The following CDH13 variants were observed in gnomAD, a reference collection of about 807,000 sequenced individuals.
CDH13 encodes the protein cadherin 13.
Under a neutral mutation model 63.8 loss-of-function variants are expected in CDH13, and 24 were observed. The ratio of observed to expected loss-of-function variants is 0.38; its 90% CI spans 0.27 to 0.53. The LOEUF is 0.53. CDH13 is among the 20% of genes least tolerant of loss of function. The pLI is 0.85. For synonymous variants in CDH13, 503 were observed against 355.3 expected (o/e 1.42, Z -4.67); for missense variants, 1,049 against 903.1 (o/e 1.16, Z -2.07).
chr16:83,339,654 C>T (rs1387474321), intron 5 of CDH13, among the ~76,000 whole-genome samples: 1 of 152,118 alleles, frequency 6.6e-6, no homozygotes, highest in Non-Finnish European at 1.5e-5. Context: ...AATCCAGGTC[C>T]AGTGCTCTTT....
At chr16:82,822,718 C>T (rs115125480) in intron 1 of CDH13, among the ~76,000 whole-genome samples, 21 of 152,338 alleles carry the variant, frequency 1.4e-4, no homozygotes, top group African/African-American at 4.3e-4. Context: ...TAGTCTTGAA[C>T]TTCTGGGCTC....
At chr16:83,362,272 C>G (rs1279827161) in intron 6 of CDH13, among the ~76,000 whole-genome samples, 1 of 152,160 alleles carries the variant, frequency 6.6e-6, no homozygotes, top group African/African-American at 2.4e-5. Flanking sequence ...AGACCTTTAC[C>G]TTTGTCAGCC....
At chr16:82,708,619 T>A (rs1193894389) in intron 1 of CDH13, among the ~76,000 whole-genome samples, 1 of 152,170 alleles carries the variant, frequency 6.6e-6, no homozygotes, top group Non-Finnish European at 1.5e-5. Context: ...ACTTGTCTCT[T>A]GATTCTAATT....
chr16:83,745,365 T>C (rs1226638140), intron 10 of CDH13, among the ~76,000 whole-genome samples: 2 of 152,100 alleles, frequency 1.3e-5, no homozygotes, highest in Non-Finnish European at 2.9e-5. Context: ...ACAAAAAGGA[T>C]TGATACCAAC....
At chr16:83,584,104 C>T (rs1432914760) in intron 7 of CDH13, among the ~76,000 whole-genome samples, 9 of 152,002 alleles carry the variant, frequency 5.9e-5, no homozygotes, top group African/African-American at 1.4e-4. Flanking sequence ...CCAAGATGGG[C>T]GGATCACGAG....
chr16:83,752,037 T>A (rs1913128525), intron 11 of CDH13, among the ~76,000 whole-genome samples: 1 of 152,244 alleles, frequency 6.6e-6, no homozygotes, highest in African/African-American at 2.4e-5. Context: ...GAGTACAGAA[T>A]CAGGGATGAA....
chr16:83,037,631 A>G (rs1218462686), intron 3 of CDH13, among the ~76,000 whole-genome samples: 1 of 152,166 alleles, frequency 6.6e-6, no homozygotes, highest in South Asian at 2.1e-4. Flanking sequence ...GTGTTGATTT[A>G]TATGCTCCTA....
At chr16:82,972,552 C>T (rs552933532) in intron 2 of CDH13, among the ~76,000 whole-genome samples, 2 of 152,208 alleles carry the variant, frequency 1.3e-5, no homozygotes, top group Non-Finnish European at 2.9e-5. Flanking sequence ...ACTTCCCTCA[C>T]ATGCAAAGTG....
chr16:82,997,136 G>C (rs1912327033), intron 2 of CDH13, among the ~76,000 whole-genome samples: 1 of 107,554 alleles, frequency 9.3e-6, no homozygotes. Context: ...TGGTGATGGT[G>C]GTGATGATGG....
intron 1 of CDH13, among the ~76,000 whole-genome samples, chr16:82,734,455 T>A (rs1468185194): frequency 1.3e-5 from 2 of 151,988 alleles, no homozygotes; most frequent in East Asian, 3.9e-4. Context: ...TGCAACAGAA[T>A]GGGCAAAGGG....
At chr16:82,658,062 C>T (rs901608789) in intron 1 of CDH13, among the ~76,000 whole-genome samples, 3 of 152,092 alleles carry the variant, frequency 2.0e-5, no homozygotes, top group Non-Finnish European at 4.4e-5. Context: ...TGTAGTTGTT[C>T]TTTATTAAGT....
intron 5 of CDH13, among the ~76,000 whole-genome samples, chr16:83,278,188 C>A (rs1324043130): frequency 6.6e-6 from 1 of 152,142 alleles, no homozygotes. Context: ...TAGCGGGAAC[C>A]AAATCCATCT....
In CDH13 at chr16:83,414,204, A is replaced by G. The variant is rs2092167806; in HGVS notation, c.781+69198A>G. Among the ~76,000 whole-genome samples the G allele has an allele frequency of 2.0e-5, 3 of 152,226 alleles. No individual in the cohort carries two copies. The South Asian group carries it at 6.2e-4, about 31-fold the overall frequency. On this transcript the variant is annotated intron_variant, in intron 6 of 13. Coordinates refer to ENST00000567109, the MANE Select transcript of CDH13 (RefSeq NM_001257.5). Reference sequence around the variant, plus strand: ...TTGGTTGGAATTTTCCATATGAATCAACATGCTCAACCATTTTCTTGAGGA... The same window carrying G: ...TTGGTTGGAATTTTCCATATGAATCGACATGCTCAACCATTTTCTTGAGGA...
chr16:83,583,366 G>C (rs55982631), intron 7 of CDH13, among the ~76,000 whole-genome samples: 1 of 151,964 alleles, frequency 6.6e-6, no homozygotes, highest in Non-Finnish European at 1.5e-5. Context: ...ATACAAGCCC[G>C]TGGAGATAGC....
chr16:83,055,956 C>T (rs556956548), intron 3 of CDH13, among the ~76,000 whole-genome samples: 1 of 152,054 alleles, frequency 6.6e-6, no homozygotes, highest in Non-Finnish European at 1.5e-5. Flanking sequence ...ATATATGGGT[C>T]TATTACAGGA....
intron 1 of CDH13, among the ~76,000 whole-genome samples, chr16:82,726,366 G>A (rs1478189021): frequency 6.6e-6 from 1 of 152,196 alleles, no homozygotes; most frequent in Non-Finnish European, 1.5e-5. Context: ...ATGTGACTGT[G>A]TTCCAACAAA....
intron 1 of CDH13, among the ~76,000 whole-genome samples, chr16:82,688,530 G>T (rs1915315229): frequency 6.6e-6 from 1 of 152,308 alleles, no homozygotes; most frequent in Non-Finnish European, 1.5e-5. Flanking sequence ...CATCAATGGA[G>T]ACTCAGAAAT....
chr16:83,371,246 G>T (rs928853202), intron 6 of CDH13, among the ~76,000 whole-genome samples: 4 of 152,150 alleles, frequency 2.6e-5, no homozygotes, highest in Non-Finnish European at 5.9e-5. Context: ...TCTATTTTCT[G>T]TTGACTGCCC....
intron 2 of CDH13, among the ~76,000 whole-genome samples, chr16:82,936,756 A>G (rs1160173948): frequency 6.6e-6 from 1 of 152,194 alleles, no homozygotes; most frequent in Non-Finnish European, 1.5e-5. Flanking sequence ...AATAGGTAGA[A>G]TCAACTCTAC....
Sources: gnomAD v4.1 joint callset for allele counts (sites outside exome capture counted in the v4.1 genomes callset) on GRCh38, gnomAD v4.1.1 for gene constraint, MANE v1.5 for transcripts, NCBI Gene and HGNC (gene_info 2026-07-23, HGNC 2026-07-21) for gene names.